Variants in CLUL1 observed in about 807,000 individuals in gnomAD.
The protein encoded by CLUL1 is clusterin-like protein 1.
Under a neutral mutation model 49.4 loss-of-function variants are expected in CLUL1, and 43 were observed. The ratio of observed to expected loss-of-function variants is 0.87; its 90% CI spans 0.68 to 1.12. The LOEUF (loss-of-function observed/expected upper bound fraction) is 1.12, where lower values mean the gene tolerates loss of function less well. CLUL1 is among the 50% of genes most tolerant of loss of function. The pLI, the probability that CLUL1 is intolerant of heterozygous loss-of-function variation, is 0.00. For synonymous variants in CLUL1, 192 were observed against 184.9 expected (o/e 1.04, Z -0.31); for missense variants, 486 against 544.4 (o/e 0.89, Z 1.07).
chr18:619,394 A>G, intron 4 of CLUL1, 33 bp downstream of exon 4: 10 of 1,571,496 alleles, frequency 6.4e-6, no homozygotes, highest in African/African-American at 1.4e-5. Flanking sequence ...CTGTTCTTAC[A>G]CAGATCTGGA....
At chr18:634,709 T>A (rs562790066) in intron 7 of CLUL1, among the ~76,000 whole-genome samples, 1 of 152,240 alleles carries the variant, frequency 6.6e-6, no homozygotes, top group Admixed American at 6.5e-5. Context: ...GGTGGGTTAA[T>A]GAACTAATTA....
chr18:612,183 A>G (rs2073155147), intron 2 of CLUL1, among the ~76,000 whole-genome samples: 1 of 152,216 alleles, frequency 6.6e-6, no homozygotes. Context: ...GTGGCCTTTT[A>G]AAACCAGTGC....
At position 603,573 on chromosome 18, in the gene CLUL1, C is replaced by T. The variant is rs543820547; in HGVS notation, c.-135-3405C>T. On this transcript the variant is annotated intron_variant, in intron 1 of 9. Transcript: ENST00000692774. ...CCTCCATCATTAACATCTTATGCAA[C>T]TATATTATAATATCGAAAACAATCA... 2.2e-4 allele frequency among the ~76,000 whole-genome samples: 34 copies of T among 152,258 alleles called. No individual in the cohort carries two copies. In the South Asian group the frequency reaches 7.1e-3, roughly 32 times the overall value.
At chr18:645,156 G>C in intron 9 of CLUL1, 59 bp downstream of exon 9, 1 of 1,320,506 alleles carries the variant, frequency 7.6e-7, no homozygotes, top group Non-Finnish European at 1.0e-6. Context: ...TTCTCAAAAG[G>C]GAAAAACAAA....
At position 626,929 on chromosome 18, in the gene CLUL1, AG is replaced by A. The variant is rs1567966674; in HGVS notation, c.424-166del. On this transcript the variant is annotated intron_variant, in intron 5 of 9. Transcript: ENST00000692774. The stretch of plus-strand genomic sequence containing the variant: ...AAAGAAAGAAAGAAAGAAAGAAAGA[AG>A]GAAAGAAGGAAAGAAGGAAGGAAGG... Among the ~76,000 whole-genome samples, 5 of 1,028 alleles carry A rather than the reference AG, an allele frequency of 4.9e-3. No homozygotes were observed. The Non-Finnish European group carries it at 0.077, about 16-fold the overall frequency. 0.7% of individuals were successfully genotyped at this position (1,028 alleles called of 152,430 possible). A position where few individuals can be genotyped will look rare whatever the true frequency, so the allele number is the denominator to read the frequency against.
At chr18:623,991 G>C (rs2073592006) in intron 4 of CLUL1, among the ~76,000 whole-genome samples, 1 of 152,148 alleles carries the variant, frequency 6.6e-6, no homozygotes. Flanking sequence ...CGATATCTCG[G>C]CATGGAGGGG....
chr18:597,281 G>A (rs1461510283), intron 1 of CLUL1, among the ~76,000 whole-genome samples, 152 bp downstream of exon 1: 1 of 152,200 alleles, frequency 6.6e-6, no homozygotes, highest in Admixed American at 6.5e-5. Flanking sequence ...TGTTCTTGCC[G>A]GGGAAGGTAG....
At chr18:631,854 A>G (rs1277335868) in intron 6 of CLUL1, among the ~76,000 whole-genome samples, 1 of 152,194 alleles carries the variant, frequency 6.6e-6, no homozygotes, top group African/African-American at 2.4e-5. Context: ...AGCAAACACT[A>G]CATAAAGCAG....
Position 620,358 on chromosome 18 carries a change from T to G in CLUL1, c.255+997T>G, listed in dbSNP as rs74633120. On this transcript the variant is annotated intron_variant, in intron 4 of 9. Coordinates refer to ENST00000692774, the MANE Select transcript of CLUL1 (RefSeq NM_001393344.1). ...GCTTAAATTATTCATTTTTAAAATC[T>G]GCCAAGTTTTTTTTTTTTTCAAGAA... Among the ~76,000 whole-genome samples the G allele has an allele frequency of 5.0e-4, 76 of 152,074 alleles. No homozygotes were observed. The East Asian group carries it at 0.013, about 26-fold the overall frequency.
intron 9 of CLUL1, among the ~76,000 whole-genome samples, chr18:646,952 TG>T (rs2074525658): frequency 1.3e-5 from 2 of 152,102 alleles, no homozygotes; most frequent in South Asian, 4.2e-4. Context: ...GGTTTCACCA[TG>T]TTGGCCAGGC....
At position 606,422 on chromosome 18, in the gene CLUL1, C is replaced by T. The variant is rs1331570713; in HGVS notation, c.-135-556C>T. On this transcript the variant is annotated intron_variant, in intron 1 of 9. Coordinates refer to ENST00000692774, the MANE Select transcript of CLUL1 (RefSeq NM_001393344.1). The surrounding 1 kb of genome is among the most constrained non-coding windows in gnomAD (Gnocchi z 4.1). ...CACCTCCCTCTTAGGACCAGCCCAT[C>T]GTCCACAACGTGGAAGTCCAGCTTC... 3.3e-5 allele frequency among the ~76,000 whole-genome samples: 5 copies of T among 152,352 alleles called. No homozygotes were observed. The highest frequency in any genetic ancestry group is 1.9e-4 in the East Asian group (1 of 5,184).
intron 2 of CLUL1, among the ~76,000 whole-genome samples, chr18:613,963 T>C (rs961105247): frequency 1.3e-5 from 2 of 152,200 alleles, no homozygotes; most frequent in Non-Finnish European, 2.9e-5. Context: ...TGAGAATATG[T>C]GAATAATAAT....
At chr18:598,048 A>C (rs1172629711) in intron 1 of CLUL1, 1 of 152,288 alleles carries the variant, frequency 6.6e-6, no homozygotes, top group Non-Finnish European at 1.5e-5. Flanking sequence ...TTGAAAACAG[A>C]AATACTAATA....
intron 2 of CLUL1, among the ~76,000 whole-genome samples, chr18:610,758 TG>T (rs1186248254): frequency 1.3e-5 from 2 of 152,056 alleles, no homozygotes; most frequent in Admixed American, 6.5e-5. Flanking sequence ...AATCCAAGGC[TG>T]GGGGAGGTGG....
chr18:624,759 G>A lies in CLUL1; in HGVS notation c.256-106G>A, dbSNP rs558997941. ...AGCTGCGAGGCACCTGAAGGAGAAA[G>A]AATGAAAAAGCAGTTTAGAATGTAT... On this transcript the variant is annotated intron_variant, in intron 4 of 9. Transcript: ENST00000692774. The A allele has an allele frequency of 3.5e-5, 38 of 1,075,902 alleles. No individual in the cohort carries two copies. The South Asian group carries it at 5.9e-4, about 17-fold the overall frequency. 66.6% of individuals were successfully genotyped at this position (1,075,902 alleles called of 1,614,324 possible). A position where few individuals can be genotyped will look rare whatever the true frequency, so the allele number is the denominator to read the frequency against.
chr18:645,812 T>A (rs10529746), intron 9 of CLUL1, among the ~76,000 whole-genome samples: 2,467 of 18,500 alleles, frequency 0.13, 370 homozygotes, highest in East Asian at 0.32. Flanking sequence ...AAAAAAAAAA[T>A]ATATATATAT....
intron 5 of CLUL1, among the ~76,000 whole-genome samples, chr18:626,252 A>C (rs946629118): frequency 2.0e-5 from 3 of 152,040 alleles, no homozygotes; most frequent in Non-Finnish European, 4.4e-5. Context: ...AGCTGGGATT[A>C]CAGGCGCCCA....
At chr18:633,571 C>G in intron 7 of CLUL1, 136 bp downstream of exon 7, 2 of 778,204 alleles carry the variant, frequency 2.6e-6, no homozygotes, top group Non-Finnish European at 4.1e-6. Flanking sequence ...AAAGTTACTT[C>G]TATAGAAGGG....
In CLUL1 at chr18:627,444, T is replaced by C; in HGVS notation, c.771T>C (p.Asn257=). 6.2e-7 allele frequency: 1 copy of C among 1,613,990 alleles called. No individual in the cohort carries two copies. Among genetic ancestry groups the C allele is most frequent in the Non-Finnish European group, 8.5e-7 (1 of 1,179,844 alleles). Residue 257 remains asparagine (N), a synonymous_variant, in exon 6 of 10, where the codon AAT becomes AAC. Coordinates refer to ENST00000692774, the MANE Select transcript of CLUL1 (RefSeq NM_001393344.1). ...CCAACTTCTTCCAGCTGTTTTGTAA[T>C]TTCAGTGTCTCTATTTATGAAAGTG... The part of the protein sequence containing the change: ...DIPNFFQLFC[N]FSVSIYESVS...
Sources: allele counts gnomAD v4.1 joint callset (sites outside exome capture counted in the v4.1 genomes callset), GRCh38; gene constraint gnomAD v4.1.1; non-coding constraint Gnocchi (gnomAD v3.1); transcripts MANE v1.5; gene names NCBI Gene and HGNC (gene_info 2026-07-23, HGNC 2026-07-21).